Variants in HMGA2 observed in about 807,000 individuals in gnomAD.
HMGA2 encodes the protein high mobility group protein HMGI-C.
HMGA2 carries 8 observed loss-of-function variants against 19.1 expected under a neutral mutation model. The observed-to-expected ratio is 0.42, with a 90% confidence interval of 0.25 to 0.76. The LOEUF is 0.76. Among genes scored for constraint, HMGA2 ranks in the 30% least tolerant of loss-of-function variants. HMGA2 has a pLI of 0.28. For synonymous variants in HMGA2, 60 were observed against 48.8 expected, an observed-to-expected ratio of 1.23 and a Z score of -0.96; for missense variants, 109 against 136.3, an observed-to-expected ratio of 0.80 and a Z score of 1.00.
intron 3 of HMGA2, among the ~76,000 whole-genome samples, chr12:65,855,255 C>T (rs1393271669): frequency 6.6e-6 from 1 of 152,114 alleles, no homozygotes; most frequent in Non-Finnish European, 1.5e-5. Flanking sequence ...GAAAACTGTC[C>T]TGTTAATTGT....
At chr12:65,862,921 A>G (rs115818172) in intron 3 of HMGA2, among the ~76,000 whole-genome samples, 2,811 of 152,372 alleles carry the variant, frequency 0.018, 50 homozygotes, top group Middle Eastern at 0.041. Flanking sequence ...TATGTGGACC[A>G]GTGGTCTTTA....
intron 3 of HMGA2, among the ~76,000 whole-genome samples, chr12:65,862,667 G>C (rs1436917360): frequency 3.3e-5 from 5 of 152,196 alleles, no homozygotes; most frequent in Non-Finnish European, 7.3e-5. Flanking sequence ...AACTCAAGAA[G>C]AGGAAGAGTG....
intron 3 of HMGA2, chr12:65,874,105 C>T (rs907463222): frequency 1.3e-5 from 2 of 152,052 alleles, no homozygotes; most frequent in African/African-American, 4.8e-5. Flanking sequence ...TGTTTTCTTC[C>T]TTGTATGCAT....
intron 3 of HMGA2, among the ~76,000 whole-genome samples, chr12:65,944,403 C>G (rs1349528525): frequency 6.6e-6 from 1 of 152,192 alleles, no homozygotes; most frequent in African/African-American, 2.4e-5. Context: ...GCCACAAAGA[C>G]AGTCCTGGTG....
intron 3 of HMGA2, among the ~76,000 whole-genome samples, chr12:65,917,910 G>T (rs1474847690): frequency 6.6e-6 from 1 of 152,200 alleles, no homozygotes; most frequent in Non-Finnish European, 1.5e-5. Context: ...CTTGATAACA[G>T]GTGGAGAGAA....
intron 3 of HMGA2, among the ~76,000 whole-genome samples, chr12:65,950,418 A>G (rs926787376): frequency 6.6e-6 from 1 of 152,160 alleles, no homozygotes; most frequent in African/African-American, 2.4e-5. Flanking sequence ...ACCCTAGAAA[A>G]CCCTAGGCCA....
In HMGA2 at chr12:65,963,596, T is replaced by C. The variant is rs538871482; in HGVS notation, c.*304T>C. 5 of 439,432 alleles carry C rather than the reference T, an allele frequency of 1.1e-5. No individual in the cohort carries two copies. Among genetic ancestry groups the C allele is most frequent in the South Asian group, 1.1e-4 (4 of 37,972 alleles). The allele number at this position is 439,432 out of a possible 1,614,324, so 27.2% of individuals were successfully genotyped here. On this transcript the variant is annotated 3_prime_UTR_variant, in exon 5 of 5. Coordinates refer to ENST00000403681, the MANE Select transcript of HMGA2 (RefSeq NM_003483.6). ...ACTGTTTTCTTTTTTCTTAACCTACTAATAGTTTGTTGATCTGATAAGCAA... is the reference window on the plus strand; with the variant it reads ...ACTGTTTTCTTTTTTCTTAACCTACCAATAGTTTGTTGATCTGATAAGCAA...
At chr12:65,831,954 T>A (rs559331001) in intron 2 of HMGA2, among the ~76,000 whole-genome samples, 81 of 152,086 alleles carry the variant, frequency 5.3e-4, no homozygotes, top group Admixed American at 1.1e-3. Context: ...GCCTATGGTT[T>A]CTAAATTAAA....
chr12:65,864,034 T>C (rs1322887656), intron 3 of HMGA2, among the ~76,000 whole-genome samples: 2 of 152,214 alleles, frequency 1.3e-5, no homozygotes, highest in Non-Finnish European at 2.9e-5. Flanking sequence ...GTTCCATGAA[T>C]ATTATGTATG....
chr12:65,894,601 A>G lies in HMGA2; in HGVS notation c.249+56032A>G, dbSNP rs549403444. Among the ~76,000 whole-genome samples, 28 of 152,362 alleles carry G rather than the reference A, an allele frequency of 1.8e-4. No homozygotes were observed. In the South Asian group the frequency reaches 5.4e-3, roughly 29 times the overall value. On this transcript the variant is annotated intron_variant, in intron 3 of 4. Transcript: ENST00000403681. Reference sequence around the variant, plus strand: ...AGTCCAGACATAGGTGGAAATTTGCAAAATGCATCAGGAAAGTATGGCAAT... The same window carrying G: ...AGTCCAGACATAGGTGGAAATTTGCGAAATGCATCAGGAAAGTATGGCAAT...
intron 3 of HMGA2, among the ~76,000 whole-genome samples, chr12:65,843,995 G>T (rs558739270): frequency 6.8e-6 from 1 of 146,750 alleles, no homozygotes; most frequent in South Asian, 2.1e-4. Context: ...GTTGCAGTGA[G>T]CTTGGTGATC....
At chr12:65,923,968 C>A (rs1310352321) in intron 3 of HMGA2, among the ~76,000 whole-genome samples, 1 of 152,220 alleles carries the variant, frequency 6.6e-6, no homozygotes, top group African/African-American at 2.4e-5. Context: ...CAAGAGCACG[C>A]CATTGCACTC....
intron 3 of HMGA2, among the ~76,000 whole-genome samples, chr12:65,892,964 G>T (rs1040568250): frequency 1.1e-4 from 16 of 152,110 alleles, no homozygotes; most frequent in Admixed American, 1.0e-3. Context: ...TCTGCTTCCC[G>T]TGTGTCATAA....
Position 65,963,435 on chromosome 12 carries a change from G to A in HMGA2, c.*143G>A. On this transcript the variant is annotated 3_prime_UTR_variant, in exon 5 of 5. Coordinates refer to ENST00000403681, the MANE Select transcript of HMGA2 (RefSeq NM_003483.6). ...GTGGGGTGGGGTGGGGGAGGGGGGG[G>A]TGGGGTGGGGAGAAATCACATAACC... 2.4e-6 allele frequency: 1 copy of A among 413,298 alleles called. No individual in the cohort carries two copies. 25.6% of individuals were successfully genotyped at this position (413,298 alleles called of 1,614,324 possible). A position where few individuals can be genotyped will look rare whatever the true frequency, so the allele number is the denominator to read the frequency against.
rs1870012272 is a variant in HMGA2, at chr12:65,824,567, C to T, written c.-704C>T. ...TCCCCCTCCGACTCTCCGGTGCCGC[C>T]GCTGCCTGCTCCCGCCACCCTAGGA... is the stretch of plus-strand genomic sequence containing the variant. On this transcript the variant is annotated 5_prime_UTR_variant, in exon 1 of 5. Coordinates refer to ENST00000403681, the MANE Select transcript of HMGA2 (RefSeq NM_003483.6). 8.6e-6 allele frequency: 2 copies of T among 233,528 alleles called. No homozygotes were observed. The highest frequency in any genetic ancestry group is 4.4e-5 in the African/African-American group (2 of 45,272). The allele number at this position is 233,528 out of a possible 1,614,324, so 14.5% of individuals were successfully genotyped here.
intron 3 of HMGA2, among the ~76,000 whole-genome samples, chr12:65,918,586 T>A (rs890974822): frequency 1.3e-5 from 2 of 152,192 alleles, no homozygotes; most frequent in Admixed American, 6.5e-5. Context: ...AAAATGTAAT[T>A]TTCACCTTCT....
intron 3 of HMGA2, among the ~76,000 whole-genome samples, chr12:65,918,583 A>T (rs1592444654): frequency 6.6e-6 from 1 of 152,336 alleles, no homozygotes; most frequent in African/African-American, 2.4e-5. Context: ...TCAAAAATGT[A>T]ATTTTCACCT....
chr12:65,909,318 A>T (rs922758144), intron 3 of HMGA2, among the ~76,000 whole-genome samples: 2 of 152,092 alleles, frequency 1.3e-5, no homozygotes, highest in African/African-American at 4.8e-5. Context: ...ATTTAAAAGG[A>T]TATAAGGTGT....
At chr12:65,959,457 T>G (rs1876689457) in intron 4 of HMGA2, among the ~76,000 whole-genome samples, 1 of 152,182 alleles carries the variant, frequency 6.6e-6, no homozygotes. Context: ...TGTTCCCCAC[T>G]CATCAGTTTT....
Sources: allele counts gnomAD v4.1 joint callset (sites outside exome capture counted in the v4.1 genomes callset), GRCh38; gene constraint gnomAD v4.1.1; transcripts MANE v1.5; gene names NCBI Gene and HGNC (gene_info 2026-07-23, HGNC 2026-07-21).